SH3KBP1: variants seen among roughly 807,000 people sequenced by gnomAD.
SH3KBP1 encodes SH3 domain-containing kinase-binding protein 1.
A neutral mutation model predicts 50.1 loss-of-function variants in SH3KBP1; 8 were observed. The ratio of observed to expected loss-of-function variants is 0.16; its 90% confidence interval spans 0.09 to 0.29. The LOEUF (loss-of-function observed/expected upper bound fraction) is 0.29. SH3KBP1 is among the 10% of genes least tolerant of loss of function. The probability of loss-of-function intolerance (pLI) is 1.00; values close to 1 mark genes in which losing one functional copy is unlikely to be tolerated. For missense variants in SH3KBP1, 377 were observed against 535.2 expected, an observed-to-expected ratio of 0.70 and a Z score of 2.92; for synonymous variants, 227 against 218.6, an observed-to-expected ratio of 1.04 and a Z score of -0.34.
chrX:19,813,160 A>AAAGAAGAAGAAG lies in SH3KBP1; in HGVS notation c.162+22953_162+22964dup, dbSNP rs370190945. Among the ~76,000 whole-genome samples the AAAGAAGAAGAAG allele has an allele frequency of 4.8e-3, 503 of 104,562 alleles. 6 individuals carry two copies. Among genetic ancestry groups the AAAGAAGAAGAAG allele is most frequent in the African/African-American group, 0.018 (483 of 27,200 alleles). The allele number at this position is 104,562 out of a possible 115,157, so 90.8% of individuals were successfully genotyped here. On this transcript the variant is annotated intron_variant, in intron 2 of 17. Transcript: ENST00000397821. Reference sequence around the variant, plus strand: ...CCTGTCTCCAAAAACAAACAAAAAAAAAGAAGAAGAAGAAGAAGAAGAAGA... The same window carrying AAAGAAGAAGAAG: ...CCTGTCTCCAAAAACAAACAAAAAAAAAGAAGAAGAAGAAGAAGAAGAAGAAGAAGAAGAAGA...
In SH3KBP1 at chrX:19,683,884, T is replaced by C; in HGVS notation, c.665A>G (p.Lys222Arg). The C allele has an allele frequency of 8.3e-7, 1 of 1,211,907 alleles. No homozygotes were observed. ...TGACCTTGGTCTTAGTTTGATTGGC[T>C]TGTCTTTGAAAATGTCTCCAAAGCC... ...GVGFGDIFKDKPIKLRPRSIE... is the reference protein window; with the variant it reads ...GVGFGDIFKDRPIKLRPRSIE... The change falls in exon 6 of 18, where the codon AAG becomes AGG. Residue 222 changes from lysine to arginine, a missense_variant. Around this residue, in one of 3 missense-constraint regions of SH3KBP1, gnomAD observed 257 missense variants for 374.2 expected, o/e 0.69. Coordinates refer to ENST00000397821, the MANE Select transcript of SH3KBP1 (RefSeq NM_031892.3).
At chrX:19,540,545 G>A (rs2064854117) in intron 16 of SH3KBP1, among the ~76,000 whole-genome samples, 1 of 111,508 alleles carries the variant, frequency 9.0e-6, no homozygotes, top group Non-Finnish European at 1.9e-5. Context: ...CCCCAAAAGT[G>A]ACCACAAAAC....
chrX:19,592,002 GC>G, intron 11 of SH3KBP1, 64 bp downstream of exon 11: 1 of 898,348 alleles, frequency 1.1e-6, no homozygotes, highest in South Asian at 2.0e-5. Flanking sequence ...TTCTGGACTA[GC>G]CGTGTAACAG....
chrX:19,539,761 G>T lies in SH3KBP1; in HGVS notation c.1893-1981C>A, dbSNP rs547894744. Reference sequence around the variant, plus strand: ...AGGCTAACAGGAAACTGACATGAAGGACTAATACAAGAGACTAGTAGGGAC... The same window carrying T: ...AGGCTAACAGGAAACTGACATGAAGTACTAATACAAGAGACTAGTAGGGAC... On this transcript the variant is annotated intron_variant, in intron 16 of 17. Transcript: ENST00000397821. Among the ~76,000 whole-genome samples, 73 of 111,600 alleles carry T rather than the reference G, an allele frequency of 6.5e-4. 1 individual carries two copies. The South Asian group carries it at 0.026, about 39-fold the overall frequency.
chrX:19,598,311 C>T (rs1028207592), intron 9 of SH3KBP1, among the ~76,000 whole-genome samples: 3 of 110,128 alleles, frequency 2.7e-5, no homozygotes, highest in Admixed American at 9.8e-5. Context: ...AGGCTGGTCT[C>T]GAGCTCCTGG....
chrX:19,549,880 T>C lies in SH3KBP1; in HGVS notation c.1494+94A>G, dbSNP rs1489466446. 10 of 625,199 alleles carry C rather than the reference T, an allele frequency of 1.6e-5. No homozygotes were observed. The South Asian group carries it at 2.8e-4, about 18-fold the overall frequency. 51.5% of individuals were successfully genotyped at this position (625,199 alleles called of 1,213,427 possible). A position where few individuals can be genotyped will look rare whatever the true frequency, so the allele number is the denominator to read the frequency against. On this transcript the variant is annotated intron_variant, in intron 14 of 17. Coordinates refer to ENST00000397821, the MANE Select transcript of SH3KBP1 (RefSeq NM_031892.3). ...TCTCCCAGGGTGTCCTCAAATCGGC[T>C]GCTTGCAGAAGAGTCCTTAGCTAGA...
chrX:19,725,726 AG>A (rs2064202608), intron 3 of SH3KBP1, among the ~76,000 whole-genome samples: 1 of 111,457 alleles, frequency 9.0e-6, no homozygotes, highest in Non-Finnish European at 1.9e-5. Flanking sequence ...AAATGAAGAG[AG>A]GTCCCCTGCA....
chrX:19,859,750 C>T (rs750054599), intron 1 of SH3KBP1, among the ~76,000 whole-genome samples: 10 of 110,475 alleles, frequency 9.1e-5, no homozygotes, highest in Non-Finnish European at 1.7e-4. Context: ...GTGGCAGCAC[C>T]TTTGGACAAG....
intron 2 of SH3KBP1, among the ~76,000 whole-genome samples, chrX:19,750,689 C>T (rs903963680): frequency 1.8e-5 from 2 of 111,393 alleles, no homozygotes; most frequent in African/African-American, 3.3e-5. Flanking sequence ...AGAATCCTGA[C>T]GTCATGGATT....
At chrX:19,648,609 C>A (rs1039664440) in intron 6 of SH3KBP1, among the ~76,000 whole-genome samples, 1 of 111,375 alleles carries the variant, frequency 9.0e-6, no homozygotes, top group Admixed American at 9.5e-5. Flanking sequence ...CATAGAGGCC[C>A]AAATCCTGTT....
intron 6 of SH3KBP1, among the ~76,000 whole-genome samples, chrX:19,661,090 G>A (rs1201536755): frequency 8.8e-6 from 1 of 113,161 alleles, no homozygotes; most frequent in Non-Finnish European, 1.9e-5. Context: ...CTGGAATCCT[G>A]TTCAGATCCT....
chrX:19,688,398 T>C (rs1278243075), intron 5 of SH3KBP1, among the ~76,000 whole-genome samples: 1 of 112,311 alleles, frequency 8.9e-6, no homozygotes, highest in Non-Finnish European at 1.9e-5. Context: ...ATTGGGATTC[T>C]GCTGTGTCAG....
At chrX:19,660,828 G>A (rs1320589678) in intron 6 of SH3KBP1, among the ~76,000 whole-genome samples, 1 of 112,195 alleles carries the variant, frequency 8.9e-6, no homozygotes, top group Non-Finnish European at 1.9e-5. Context: ...ACAAAGCTTG[G>A]CATCCATTCA....
Position 19,668,972 on chromosome X carries a change from ATATT to A in SH3KBP1, c.726+14847_726+14850del, listed in dbSNP as rs1311112902. Among the ~76,000 whole-genome samples the A allele has an allele frequency of 4.8e-4, 25 of 52,200 alleles. 1 individual carries two copies. The highest frequency in any genetic ancestry group is 8.8e-3 in the Middle Eastern group (1 of 113). 45.3% of individuals were successfully genotyped at this position (52,200 alleles called of 115,157 possible). On this transcript the variant is annotated intron_variant, in intron 6 of 17. Coordinates refer to ENST00000397821, the MANE Select transcript of SH3KBP1 (RefSeq NM_031892.3). ...TATATATATATATATATATATATAT[ATATT>A]TTTTGAGACAGGCTGTCACTCTGTC...
chrX:19,730,961 C>T (rs1205689425), intron 3 of SH3KBP1, among the ~76,000 whole-genome samples: 8 of 111,629 alleles, frequency 7.2e-5, no homozygotes, highest in East Asian at 2.8e-4. Context: ...TTTGGTGAGA[C>T]GGAGATTTAC....
At chrX:19,574,761 C>T (rs764620234) in intron 12 of SH3KBP1, among the ~76,000 whole-genome samples, 8 of 112,207 alleles carry the variant, frequency 7.1e-5, no homozygotes, top group African/African-American at 1.6e-4. Flanking sequence ...ATAGTGTCAA[C>T]GCTTTTTAAA....
intron 2 of SH3KBP1, among the ~76,000 whole-genome samples, chrX:19,788,157 G>A (rs182839932): frequency 8.4e-5 from 9 of 107,685 alleles, no homozygotes; most frequent in East Asian, 2.9e-4. Flanking sequence ...TAATCTCAGC[G>A]CTTTGGGAGG....
At chrX:19,768,941 T>TA (rs2065699061) in intron 2 of SH3KBP1, among the ~76,000 whole-genome samples, 1 of 110,379 alleles carries the variant, frequency 9.1e-6, no homozygotes, top group African/African-American at 3.3e-5. Flanking sequence ...TTTTTTTTTT[T>TA]AAATTAGTAA....
At chrX:19,560,070 G>A (rs1291349374) in intron 13 of SH3KBP1, among the ~76,000 whole-genome samples, 1 of 110,434 alleles carries the variant, frequency 9.1e-6, no homozygotes, top group African/African-American at 3.3e-5. Flanking sequence ...AGAATCACTT[G>A]AGCCCAGGAG....
Sources: allele counts gnomAD v4.1 joint callset (sites outside exome capture counted in the v4.1 genomes callset), GRCh38; gene constraint gnomAD v4.1.1; regional missense constraint gnomAD v4.1.1; transcripts MANE v1.5; gene names NCBI Gene and HGNC (gene_info 2026-07-23, HGNC 2026-07-21).